UBE3A: variants seen among roughly 807,000 people sequenced by gnomAD.
The protein encoded by UBE3A is ubiquitin protein ligase E3A, also known as ubiquitin-protein ligase E3A.
UBE3A carries 6 observed loss-of-function variants against 83.4 expected under a neutral mutation model. The observed-to-expected ratio is 0.07, with a 90% confidence interval of 0.04 to 0.14. The LOEUF is 0.14. Among genes scored for constraint, UBE3A ranks in the 10% least tolerant of loss-of-function variants. The pLI, the probability that UBE3A is intolerant of heterozygous loss-of-function variation, is 1.00. For synonymous variants in UBE3A, 337 were observed against 355.4 expected, an observed-to-expected ratio of 0.95 and a Z score of 0.58; for missense variants, 456 against 1,036.1, an observed-to-expected ratio of 0.44 and a Z score of 7.69.
At chr15:25,360,995 A>G (rs1224331777) in intron 6 of UBE3A, among the ~76,000 whole-genome samples, 4 of 152,158 alleles carry the variant, frequency 2.6e-5, no homozygotes, top group Non-Finnish European at 5.9e-5. Context: ...AATACACTGA[A>G]TACTAAAGCA....
chr15:25,416,600 G>C (rs191197495), intron 1 of UBE3A, among the ~76,000 whole-genome samples: 20 of 149,000 alleles, frequency 1.3e-4, no homozygotes, highest in Admixed American at 1.0e-3. Flanking sequence ...GTGTGAAAGT[G>C]CAACAAGCTA....
At chr15:25,429,144 AAACC>A (rs1248579870) in intron 1 of UBE3A, among the ~76,000 whole-genome samples, 1 of 152,200 alleles carries the variant, frequency 6.6e-6, no homozygotes, top group Non-Finnish European at 1.5e-5. Context: ...TTTAATACAA[AAACC>A]AACACCACAT....
At chr15:25,408,286 A>C (rs1237107221) in intron 3 of UBE3A, 2 of 362,168 alleles carry the variant, frequency 5.5e-6, no homozygotes, top group African/African-American at 4.2e-5. Flanking sequence ...TTTGGCTCCT[A>C]AAGAGTCTAC....
chr15:25,414,232 A>G (rs892601870), intron 1 of UBE3A, among the ~76,000 whole-genome samples: 2 of 152,110 alleles, frequency 1.3e-5, no homozygotes, highest in African/African-American at 4.8e-5. Flanking sequence ...AATTGGTGCC[A>G]TTCATTACTT....
intron 4 of UBE3A, 87 bp downstream of exon 4, chr15:25,405,374 A>G: frequency 6.9e-7 from 1 of 1,450,762 alleles, no homozygotes; most frequent in Non-Finnish European, 9.7e-7. Context: ...TTTTAACCAG[A>G]AATTATTTCC....
At chr15:25,412,156 T>C (rs2090119180) in intron 1 of UBE3A, among the ~76,000 whole-genome samples, 185 bp from the exon 2 acceptor site, 1 of 152,348 alleles carries the variant, frequency 6.6e-6, no homozygotes, top group Non-Finnish European at 1.5e-5. Context: ...AGGCAGGCCC[T>C]GTGGCCTGAG....
At chr15:25,351,060 C>A (rs1370383988) in intron 11 of UBE3A, among the ~76,000 whole-genome samples, 1 of 152,174 alleles carries the variant, frequency 6.6e-6, no homozygotes, top group African/African-American at 2.4e-5. Flanking sequence ...TTTTACCCCA[C>A]ACAACATCGA....
chr15:25,372,281 G>T (rs1230055153), intron 5 of UBE3A, among the ~76,000 whole-genome samples: 1 of 152,054 alleles, frequency 6.6e-6, no homozygotes, highest in African/African-American at 2.4e-5. Context: ...TTAAAAAAAG[G>T]CTCCTTCAGC....
At chr15:25,345,273 A>G (rs2075479412) in intron 11 of UBE3A, among the ~76,000 whole-genome samples, 1 of 152,190 alleles carries the variant, frequency 6.6e-6, no homozygotes, top group Non-Finnish European at 1.5e-5. Context: ...ATCATGATGT[A>G]GTAAGCTCTG....
chr15:25,347,664 C>T (rs1049690390), intron 11 of UBE3A, among the ~76,000 whole-genome samples: 1 of 152,164 alleles, frequency 6.6e-6, no homozygotes. Context: ...TGTGCCACTG[C>T]ACTCCAGCCT....
chr15:25,358,343 C>A (rs1310866967), intron 7 of UBE3A, among the ~76,000 whole-genome samples: 3 of 151,928 alleles, frequency 2.0e-5, no homozygotes, highest in African/African-American at 4.8e-5. Flanking sequence ...AGAACCACTA[C>A]ACTCCAGCCT....
intron 6 of UBE3A, among the ~76,000 whole-genome samples, chr15:25,367,179 G>A (rs1446463825): frequency 3.2e-5 from 3 of 93,416 alleles, no homozygotes; most frequent in African/African-American, 6.3e-5. Flanking sequence ...TTACATATTT[G>A]TAAATATGTA....
chr15:25,345,479 AAC>A (rs1290156384), intron 11 of UBE3A, among the ~76,000 whole-genome samples: 1 of 152,046 alleles, frequency 6.6e-6, no homozygotes, highest in Non-Finnish European at 1.5e-5. Flanking sequence ...ATTTTACAAA[AAC>A]ACAGACTTCT....
intron 1 of UBE3A, among the ~76,000 whole-genome samples, chr15:25,428,191 A>C (rs1891974633): frequency 1.3e-5 from 2 of 152,162 alleles, no homozygotes; most frequent in Admixed American, 6.5e-5. Context: ...CTGTACACTT[A>C]AAAAAGATGG....
At chr15:25,394,218 C>T (rs558016240) in intron 4 of UBE3A, among the ~76,000 whole-genome samples, 35 of 152,256 alleles carry the variant, frequency 2.3e-4, no homozygotes, top group African/African-American at 8.2e-4. Flanking sequence ...TATTTACTGT[C>T]GTATCCTCAG....
intron 1 of UBE3A, among the ~76,000 whole-genome samples, chr15:25,414,129 A>C (rs1314538973): frequency 2.6e-5 from 4 of 152,188 alleles, no homozygotes; most frequent in Admixed American, 1.3e-4. Flanking sequence ...TGTCTCATTA[A>C]CATCTACATT....
At chr15:25,382,887 G>C (rs527541181) in intron 4 of UBE3A, among the ~76,000 whole-genome samples, 23 of 151,986 alleles carry the variant, frequency 1.5e-4, no homozygotes, top group Admixed American at 1.4e-3. Context: ...CCAAGACTGA[G>C]CCACAAATAC....
chr15:25,382,360 T>TC (rs1220393419), intron 4 of UBE3A, among the ~76,000 whole-genome samples: 2 of 151,916 alleles, frequency 1.3e-5, no homozygotes, highest in African/African-American at 4.8e-5. Context: ...TTTTTTCATT[T>TC]TTATAGTCTC....
Position 25,335,276 on chromosome 15 carries a change from T to C in UBE3A, c.*3861A>G, listed in dbSNP as rs1395663842. On this transcript the variant is annotated 3_prime_UTR_variant, in exon 13 of 13. Transcript: ENST00000648336. Reference sequence around the variant, plus strand: ...TAAATATCTGGTCATGAAGAGTATTTGAGAAATATGACAAGTGAAGATGCT... The same window carrying C: ...TAAATATCTGGTCATGAAGAGTATTCGAGAAATATGACAAGTGAAGATGCT... The C allele has an allele frequency of 6.6e-6, 1 of 151,956 alleles. No individual in the cohort carries two copies. Among genetic ancestry groups the C allele is most frequent in the East Asian group, 1.9e-4 (1 of 5,198 alleles). 9.4% of individuals were successfully genotyped at this position (151,956 alleles called of 1,614,324 possible).
Sources: allele counts gnomAD v4.1 joint callset (sites outside exome capture counted in the v4.1 genomes callset), GRCh38; gene constraint gnomAD v4.1.1; transcripts MANE v1.5; gene names NCBI Gene and HGNC (gene_info 2026-07-23, HGNC 2026-07-21).